Variants in ZBTB20 observed in about 807,000 individuals in gnomAD.
ZBTB20 encodes zinc finger and BTB domain containing 20, also known as zinc finger and BTB domain-containing protein 20.
A neutral mutation model predicts 56.9 loss-of-function variants in ZBTB20; 9 were observed. The ratio of observed to expected loss-of-function variants is 0.16; its 90% confidence interval spans 0.10 to 0.28. The LOEUF is 0.28. ZBTB20 is among the 10% of genes least tolerant of loss of function. The pLI, the probability that ZBTB20 is intolerant of heterozygous loss-of-function variation, is 1.00. For missense variants in ZBTB20, 655 were observed against 1,003.0 expected, an observed-to-expected ratio of 0.65 and a Z score of 4.69; for synonymous variants, 417 against 420.7, an observed-to-expected ratio of 0.99 and a Z score of 0.11.
At chr3:114,596,789 C>T (rs542902659) in intron 6 of ZBTB20, among the ~76,000 whole-genome samples, 50 of 152,250 alleles carry the variant, frequency 3.3e-4, no homozygotes, top group African/African-American at 1.2e-3. Flanking sequence ...AAATCACTTC[C>T]ATAACACTGA....
chr3:114,911,381 A>G (rs1278586899), intron 3 of ZBTB20, among the ~76,000 whole-genome samples: 1 of 152,008 alleles, frequency 6.6e-6, no homozygotes, highest in African/African-American at 2.4e-5. Flanking sequence ...GGATCCTAAA[A>G]GGGAGCTCCC....
At chr3:114,673,658 T>C (rs140169185) in intron 6 of ZBTB20, among the ~76,000 whole-genome samples, 7 of 152,252 alleles carry the variant, frequency 4.6e-5, no homozygotes, top group African/African-American at 1.7e-4. Context: ...AGCCAGGAAA[T>C]GCAAAAATGA....
intron 2 of ZBTB20, among the ~76,000 whole-genome samples, chr3:115,014,951 T>C (rs1317952214): frequency 6.6e-6 from 1 of 151,816 alleles, no homozygotes; most frequent in Non-Finnish European, 1.5e-5. Context: ...TATAAAAGGC[T>C]AAGAAAAGCT....
At chr3:114,400,309 A>G (rs2086705873) in intron 7 of ZBTB20, among the ~76,000 whole-genome samples, 1 of 152,196 alleles carries the variant, frequency 6.6e-6, no homozygotes, top group African/African-American at 2.4e-5. Flanking sequence ...GTAAAATGGT[A>G]TTGACAATAA....
chr3:115,029,511 C>T (rs972187772), intron 2 of ZBTB20, among the ~76,000 whole-genome samples: 4 of 150,466 alleles, frequency 2.7e-5, no homozygotes, highest in African/African-American at 7.3e-5. Context: ...TCCTAGTAAA[C>T]CATATAGAAA....
chr3:114,796,339 G>T (rs1578907004), intron 5 of ZBTB20, among the ~76,000 whole-genome samples: 1 of 151,962 alleles, frequency 6.6e-6, no homozygotes, highest in Non-Finnish European at 1.5e-5. Flanking sequence ...CTCGGCCTGA[G>T]TTTATAGTAC....
Position 114,325,456 on chromosome 3 carries a change from G to T in ZBTB20, c.*13549C>A, listed in dbSNP as rs765885789. On this transcript the variant is annotated 3_prime_UTR_variant, in exon 12 of 12. Transcript: ENST00000675478. ...CTCTCTGTACACTCCTCTCGGGCCC[G>T]GATAGCACATTAGGTATAGAAGTCA... The T allele has an allele frequency of 1.3e-5, 2 of 152,078 alleles. No individual in the cohort carries two copies. The highest frequency in any genetic ancestry group is 2.9e-5 in the Non-Finnish European group (2 of 68,000). 9.4% of individuals were successfully genotyped at this position (152,078 alleles called of 1,614,324 possible). A position where few individuals can be genotyped will look rare whatever the true frequency, so the allele number is the denominator to read the frequency against.
At chr3:115,081,959 AG>A (rs2082812733) in intron 1 of ZBTB20, among the ~76,000 whole-genome samples, 1 of 152,198 alleles carries the variant, frequency 6.6e-6, no homozygotes, top group African/African-American at 2.4e-5. Flanking sequence ...ACGTATAGAT[AG>A]CATCTACATT....
chr3:114,536,631 A>G (rs1236839924), intron 6 of ZBTB20, among the ~76,000 whole-genome samples: 1 of 152,226 alleles, frequency 6.6e-6, no homozygotes. Context: ...AGAATTAGAA[A>G]AAAACAATTT....
At chr3:114,890,560 T>C (rs2076768420) in intron 4 of ZBTB20, among the ~76,000 whole-genome samples, 1 of 152,012 alleles carries the variant, frequency 6.6e-6, no homozygotes, top group East Asian at 1.9e-4. Context: ...ATGAGAACAC[T>C]TGGACACAGG....
At chr3:114,895,839 C>T (rs1358368831) in intron 4 of ZBTB20, among the ~76,000 whole-genome samples, 1 of 152,112 alleles carries the variant, frequency 6.6e-6, no homozygotes, top group African/African-American at 2.4e-5. Context: ...TACCACCATA[C>T]TATACATAGG....
At chr3:115,013,976 C>T (rs1235066760) in intron 2 of ZBTB20, among the ~76,000 whole-genome samples, 3 of 151,292 alleles carry the variant, frequency 2.0e-5, no homozygotes, top group Admixed American at 6.6e-5. Flanking sequence ...GATATATCTG[C>T]ACTCCTATGT....
intron 1 of ZBTB20, among the ~76,000 whole-genome samples, chr3:115,085,163 C>T (rs2082938984): frequency 1.3e-5 from 2 of 152,062 alleles, no homozygotes; most frequent in African/African-American, 4.8e-5. Flanking sequence ...TGTTGAGTCC[C>T]ATATGGCTCT....
At chr3:114,918,064 A>G (rs1336123734) in intron 3 of ZBTB20, among the ~76,000 whole-genome samples, 3 of 152,100 alleles carry the variant, frequency 2.0e-5, no homozygotes, top group Admixed American at 2.0e-4. Flanking sequence ...GCTCCATTCT[A>G]CTGCAGCTGA....
intron 2 of ZBTB20, among the ~76,000 whole-genome samples, chr3:115,014,932 C>T (rs1052272317): frequency 1.3e-5 from 2 of 151,800 alleles, no homozygotes; most frequent in African/African-American, 4.8e-5. Flanking sequence ...TATAAAGTGG[C>T]TGTCACTTTA....
intron 7 of ZBTB20, among the ~76,000 whole-genome samples, chr3:114,470,613 T>C (rs1237209549): frequency 6.6e-6 from 1 of 152,172 alleles, no homozygotes; most frequent in African/African-American, 2.4e-5. Flanking sequence ...CTGTTACTGA[T>C]AAGGAAATTG....
chr3:115,066,208 T>C (rs2082201507), intron 2 of ZBTB20, among the ~76,000 whole-genome samples: 1 of 152,162 alleles, frequency 6.6e-6, no homozygotes, highest in Middle Eastern at 3.2e-3. Flanking sequence ...CCTAAGTTTC[T>C]ACCCTCAATT....
chr3:115,063,456 C>T (rs1442054949), intron 2 of ZBTB20, among the ~76,000 whole-genome samples: 1 of 152,114 alleles, frequency 6.6e-6, no homozygotes, highest in Admixed American at 6.5e-5. Flanking sequence ...AAGCAAGCTT[C>T]TATAAGGGCA....
intron 3 of ZBTB20, among the ~76,000 whole-genome samples, chr3:114,929,109 T>C (rs768049065): frequency 1.3e-5 from 2 of 152,218 alleles, no homozygotes; most frequent in African/African-American, 2.4e-5. Flanking sequence ...GTAAGTACTA[T>C]GATAGAGGGA....
Sources: gnomAD v4.1 joint callset for allele counts (sites outside exome capture counted in the v4.1 genomes callset) on GRCh38, gnomAD v4.1.1 for gene constraint, MANE v1.5 for transcripts, NCBI Gene and HGNC (gene_info 2026-07-23, HGNC 2026-07-21) for gene names.